FHIT: variants seen among roughly 807,000 people sequenced by gnomAD.
The protein encoded by FHIT is bis(5'-adenosyl)-triphosphatase.
In FHIT, 19 loss-of-function variants were observed where a neutral mutation model predicts 17.9. That is an observed-to-expected ratio of 1.06 (90% confidence interval 0.74 to 1.56). The LOEUF is 1.56. Among genes scored for constraint, FHIT ranks in the 40% most tolerant of loss-of-function variants. The pLI is 0.00. For synonymous variants in FHIT, 81 were observed against 69.7 expected (o/e 1.16, Z -0.81); for missense variants, 248 against 189.2 (o/e 1.31, Z -1.82).
chr3:61,022,730 C>T (rs1186612035), intron 3 of FHIT, among the ~76,000 whole-genome samples: 3 of 152,124 alleles, frequency 2.0e-5, no homozygotes, highest in African/African-American at 7.2e-5. Flanking sequence ...ATAAACAGAA[C>T]CAATGACAAA....
chr3:60,316,172 G>A lies in FHIT; in HGVS notation c.103+220688C>T, dbSNP rs1709156715. Among the ~76,000 whole-genome samples, 2 of 152,156 alleles carry A rather than the reference G, an allele frequency of 1.3e-5. 1 individual carries two copies. The highest frequency in any genetic ancestry group is 4.1e-4 in the South Asian group (2 of 4,820). Reference sequence around the variant, plus strand: ...GCCCAAAGGTTTTGTATAGCTTAAGGATACATGCAGTAAGCTAACTATAAA... The same window carrying A: ...GCCCAAAGGTTTTGTATAGCTTAAGAATACATGCAGTAAGCTAACTATAAA... On this transcript the variant is annotated intron_variant, in intron 5 of 9. Coordinates refer to ENST00000492590, the MANE Select transcript of FHIT (RefSeq NM_002012.4).
chr3:60,104,879 A>AGT (rs1202850528), intron 5 of FHIT, among the ~76,000 whole-genome samples: 1 of 152,144 alleles, frequency 6.6e-6, no homozygotes, highest in African/African-American at 2.4e-5. Context: ...AAAGGAGGGC[A>AGT]GTGTTTCTTT....
chr3:60,272,849 A>T (rs1706930349), intron 5 of FHIT, among the ~76,000 whole-genome samples: 1 of 152,214 alleles, frequency 6.6e-6, no homozygotes, highest in African/African-American at 2.4e-5. Context: ...GAAACATGAT[A>T]GCTCCTGCAT....
At chr3:60,334,658 G>C (rs2106869700) in intron 5 of FHIT, among the ~76,000 whole-genome samples, 1 of 152,244 alleles carries the variant, frequency 6.6e-6, no homozygotes, top group Admixed American at 6.5e-5. Context: ...GGGGTTGTGT[G>C]TGCCTGTAAT....
intron 5 of FHIT, among the ~76,000 whole-genome samples, chr3:60,200,093 C>A (rs775410019): frequency 1.2e-4 from 19 of 152,014 alleles, no homozygotes; most frequent in Non-Finnish European, 2.5e-4. Flanking sequence ...ACGGGATAAC[C>A]AATCAACATA....
In FHIT at chr3:60,865,348, C is replaced by T. The variant is rs771729251; in HGVS notation, c.-110-43337G>A. Among the ~76,000 whole-genome samples the T allele has an allele frequency of 4.8e-4, 73 of 152,112 alleles. 1 individual carries two copies. Among genetic ancestry groups the T allele is most frequent in the Non-Finnish European group, 8.7e-4 (59 of 68,030 alleles). ...TAGCCCCATTTCAAGTCCTCAACAG[C>T]CATATGAGGCCACTGGCCACTGTAC... On this transcript the variant is annotated intron_variant, in intron 3 of 9. Coordinates refer to ENST00000492590, the MANE Select transcript of FHIT (RefSeq NM_002012.4).
intron 5 of FHIT, among the ~76,000 whole-genome samples, chr3:60,504,625 A>G (rs904167187): frequency 6.6e-6 from 1 of 152,190 alleles, no homozygotes; most frequent in African/African-American, 2.4e-5. Context: ...CTTCAGCGAT[A>G]GTGGACAGGC....
chr3:60,310,096 A>G (rs1480025336), intron 5 of FHIT, among the ~76,000 whole-genome samples: 1 of 152,068 alleles, frequency 6.6e-6, no homozygotes, highest in Non-Finnish European at 1.5e-5. Flanking sequence ...AAACAAAGGC[A>G]ACCTTTATTT....
chr3:60,932,532 C>G (rs1184976543), intron 3 of FHIT, among the ~76,000 whole-genome samples: 1 of 152,148 alleles, frequency 6.6e-6, no homozygotes, highest in Non-Finnish European at 1.5e-5. Context: ...TCTCTCCTCC[C>G]CTCACACTGC....
intron 5 of FHIT, among the ~76,000 whole-genome samples, chr3:60,373,411 A>G (rs1002902809): frequency 1.3e-5 from 2 of 152,198 alleles, no homozygotes; most frequent in Admixed American, 6.5e-5. Flanking sequence ...AGAGCAGGTC[A>G]GTGTGGTTGC....
intron 1 of FHIT, among the ~76,000 whole-genome samples, chr3:61,217,209 C>G (rs1032604203): frequency 6.6e-6 from 1 of 152,124 alleles, no homozygotes; most frequent in African/African-American, 2.4e-5. Flanking sequence ...TTCTACGGAT[C>G]AAGAATCCTG....
intron 3 of FHIT, among the ~76,000 whole-genome samples, chr3:60,834,438 T>C (rs1001346082): frequency 5.3e-5 from 8 of 152,232 alleles, no homozygotes; most frequent in Non-Finnish European, 8.8e-5. Flanking sequence ...ATTTTCTAAT[T>C]GAGTTGCTTG....
intron 4 of FHIT, among the ~76,000 whole-genome samples, chr3:60,633,913 A>C (rs782210524): frequency 1.1e-4 from 17 of 152,332 alleles, no homozygotes; most frequent in Non-Finnish European, 1.9e-4. Context: ...TTTCCAGTTC[A>C]GTGGAAATCT....
At chr3:60,154,465 G>A (rs1294638985) in intron 5 of FHIT, among the ~76,000 whole-genome samples, 1 of 152,074 alleles carries the variant, frequency 6.6e-6, no homozygotes, top group African/African-American at 2.4e-5. Flanking sequence ...TCCAATCAGG[G>A]CAAAAATGGC....
intron 5 of FHIT, among the ~76,000 whole-genome samples, chr3:60,433,496 T>C (rs1043029461): frequency 2.0e-5 from 3 of 152,098 alleles, no homozygotes; most frequent in African/African-American, 7.2e-5. Context: ...TCCATACAGT[T>C]TTCTATAATC....
chr3:60,111,563 C>T (rs1704672121), intron 5 of FHIT, among the ~76,000 whole-genome samples: 1 of 152,192 alleles, frequency 6.6e-6, no homozygotes. Flanking sequence ...TTGAGAAATA[C>T]CTTTCATTTA....
At chr3:60,612,856 T>C (rs996831041) in intron 4 of FHIT, among the ~76,000 whole-genome samples, 1 of 152,210 alleles carries the variant, frequency 6.6e-6, no homozygotes, top group Non-Finnish European at 1.5e-5. Context: ...ACTATGTCTA[T>C]ACACAGCCTT....
chr3:60,585,486 C>T (rs782621344), intron 4 of FHIT, among the ~76,000 whole-genome samples: 3 of 151,910 alleles, frequency 2.0e-5, no homozygotes, highest in Non-Finnish European at 2.9e-5. Flanking sequence ...TCATTCAGAT[C>T]CAAAGCTTGT....
chr3:60,127,084 C>A (rs1338679966), intron 5 of FHIT, among the ~76,000 whole-genome samples: 1 of 152,162 alleles, frequency 6.6e-6, no homozygotes, highest in Non-Finnish European at 1.5e-5. Context: ...GGTACCTTAT[C>A]ACTAGCTTCT....
Sources: allele counts gnomAD v4.1 joint callset (sites outside exome capture counted in the v4.1 genomes callset), GRCh38; gene constraint gnomAD v4.1.1; transcripts MANE v1.5; gene names NCBI Gene and HGNC (gene_info 2026-07-23, HGNC 2026-07-21).